MECOM: variants seen among roughly 807,000 people sequenced by gnomAD.
MECOM encodes MDS1 and EVI1 complex locus.
In MECOM, 13 loss-of-function variants were observed where a neutral mutation model predicts 116.3. The observed-to-expected ratio is 0.11, with a 90% CI of 0.07 to 0.18. The LOEUF is 0.18. Ranked by LOEUF, MECOM falls within the 10% of genes least tolerant of loss-of-function variation. The pLI is 1.00. For synonymous variants in MECOM, 528 were observed against 535.2 expected, an observed-to-expected ratio of 0.99 and a Z score of 0.19; for missense variants, 1,299 against 1,509.0, an observed-to-expected ratio of 0.86 and a Z score of 2.31.
chr3:169,584,406 A>T (rs1428104380), intron 1 of MECOM, among the ~76,000 whole-genome samples: 2 of 151,562 alleles, frequency 1.3e-5, no homozygotes, highest in Admixed American at 6.6e-5. Flanking sequence ...TCTACTAAAA[A>T]TACAAAAAAT....
intron 13 of MECOM, 66 bp downstream of exon 13, chr3:169,095,010 A>G (rs1378551354): frequency 7.5e-7 from 1 of 1,325,382 alleles, no homozygotes; most frequent in African/African-American, 1.5e-5. Flanking sequence ...AGATCACATT[A>G]TCTTATTATC....
intron 2 of MECOM, among the ~76,000 whole-genome samples, chr3:169,286,665 G>A (rs1399199667): frequency 6.6e-6 from 1 of 152,088 alleles, no homozygotes; most frequent in Non-Finnish European, 1.5e-5. Flanking sequence ...AAGGATTGTT[G>A]CTATATGATC....
intron 1 of MECOM, among the ~76,000 whole-genome samples, chr3:169,386,530 T>C (rs1733343188): frequency 6.6e-6 from 1 of 152,226 alleles, no homozygotes; most frequent in South Asian, 2.1e-4. Context: ...CATTGGATTA[T>C]AGTTTATTAT....
intron 1 of MECOM, among the ~76,000 whole-genome samples, chr3:169,625,047 A>G (rs1290124531): frequency 1.3e-5 from 2 of 151,986 alleles, no homozygotes; most frequent in African/African-American, 4.8e-5. Context: ...AAAAAAAAAA[A>G]AAGAAAGGAA....
chr3:169,095,376 T>C, intron 12 of MECOM, 131 bp from the exon 13 acceptor site: 2 of 632,920 alleles, frequency 3.2e-6, no homozygotes, highest in Non-Finnish European at 5.1e-6. Flanking sequence ...GGGAGAATAC[T>C]ATTCACACAA....
At chr3:169,395,492 C>T (rs1217069895) in intron 1 of MECOM, among the ~76,000 whole-genome samples, 14 of 152,184 alleles carry the variant, frequency 9.2e-5, no homozygotes, top group Admixed American at 8.5e-4. Flanking sequence ...TACACACACT[C>T]ATATGTGCAC....
chr3:169,366,177 G>T (rs1729133315), intron 2 of MECOM, among the ~76,000 whole-genome samples: 1 of 151,910 alleles, frequency 6.6e-6, no homozygotes, highest in South Asian at 2.1e-4. Flanking sequence ...TACTGAACTG[G>T]TTGGGTCCCA....
intron 1 of MECOM, among the ~76,000 whole-genome samples, chr3:169,448,484 C>T (rs1409262097): frequency 6.6e-6 from 1 of 152,042 alleles, no homozygotes; most frequent in Non-Finnish European, 1.5e-5. Flanking sequence ...AGGGGTAAAG[C>T]CAGATTTTTA....
chr3:169,662,128 C>A (rs1405342728), intron 1 of MECOM, among the ~76,000 whole-genome samples: 3 of 152,238 alleles, frequency 2.0e-5, no homozygotes, highest in Non-Finnish European at 4.4e-5. Flanking sequence ...CAAAGCCAGG[C>A]GAGTCATCCA....
chr3:169,146,607 A>C (rs780411438), intron 2 of MECOM: 34 of 1,370,974 alleles, frequency 2.5e-5, no homozygotes, highest in Non-Finnish European at 3.3e-5. Context: ...AGGAGGAAAG[A>C]AGGCTGGGGG....
Position 169,165,415 on chromosome 3 carries a change from CTA to C in MECOM, c.376-21585_376-21584del, listed in dbSNP as rs536089283. Among the ~76,000 whole-genome samples, 29 of 152,194 alleles carry C rather than the reference CTA, an allele frequency of 1.9e-4. No homozygotes were observed. The East Asian group carries it at 5.2e-3, about 27-fold the overall frequency. On this transcript the variant is annotated intron_variant, in intron 2 of 16. Transcript: ENST00000651503. ...AGCATACCAGAAGTGTGTAATTAGT[CTA>C]TGTTTTTCATCACTAGGAAAAAAGT...
chr3:169,373,111 T>C (rs1239330508), intron 2 of MECOM, among the ~76,000 whole-genome samples: 1 of 152,138 alleles, frequency 6.6e-6, no homozygotes, highest in East Asian at 1.9e-4. Flanking sequence ...ACTAATTATT[T>C]TCAAGTCCTT....
chr3:169,552,595 T>C (rs1761544891), intron 1 of MECOM, among the ~76,000 whole-genome samples: 2 of 152,038 alleles, frequency 1.3e-5, no homozygotes, highest in Non-Finnish European at 2.9e-5. Context: ...ACACAGCTAG[T>C]TAGTGGTGGA....
At chr3:169,328,631 A>G (rs1264219848) in intron 2 of MECOM, among the ~76,000 whole-genome samples, 1 of 152,192 alleles carries the variant, frequency 6.6e-6, no homozygotes, top group East Asian at 1.9e-4. Flanking sequence ...TTATTGGATC[A>G]CTGAATGCAA....
intron 2 of MECOM, among the ~76,000 whole-genome samples, chr3:169,378,459 A>AAGAAAGAG (rs1731589337): frequency 1.7e-5 from 1 of 60,260 alleles, no homozygotes; most frequent in Non-Finnish European, 3.0e-5. Context: ...GAAGGAAAGC[A>AAGAAAGAG]AGCAAGCAAG....
At chr3:169,198,738 T>C (rs1339358897) in intron 2 of MECOM, among the ~76,000 whole-genome samples, 1 of 151,964 alleles carries the variant, frequency 6.6e-6, no homozygotes, top group Non-Finnish European at 1.5e-5. Context: ...TACTAGGCAG[T>C]GGGGACAGAA....
At chr3:169,316,331 T>C (rs575829402) in intron 2 of MECOM, among the ~76,000 whole-genome samples, 67 of 152,338 alleles carry the variant, frequency 4.4e-4, no homozygotes, top group Non-Finnish European at 7.2e-4. Context: ...AAGAACAGTA[T>C]CTATAAACTG....
chr3:169,097,350 T>A (rs568829719), intron 12 of MECOM, among the ~76,000 whole-genome samples: 2 of 152,118 alleles, frequency 1.3e-5, no homozygotes, highest in Non-Finnish European at 2.9e-5. Context: ...AGAAAAAGAA[T>A]GTTCTAAATA....
chr3:169,202,297 G>T (rs1168499574), intron 2 of MECOM, among the ~76,000 whole-genome samples: 1 of 152,054 alleles, frequency 6.6e-6, no homozygotes, highest in African/African-American at 2.4e-5. Context: ...TTTGGATTTG[G>T]AAAAGCAAAC....
Sources: allele counts gnomAD v4.1 joint callset (sites outside exome capture counted in the v4.1 genomes callset), GRCh38; gene constraint gnomAD v4.1.1; transcripts MANE v1.5; gene names NCBI Gene and HGNC (gene_info 2026-07-23, HGNC 2026-07-21).